The following RFESD variants were observed in gnomAD, a reference collection of about 807,000 sequenced individuals.
RFESD encodes the protein Rieske domain-containing protein.
Under a neutral mutation model 24.4 loss-of-function variants are expected in RFESD, and 16 were observed. That is an observed-to-expected ratio of 0.66 (90% CI 0.44 to 1.00). RFESD has a LOEUF of 1.00. Ranked by LOEUF, RFESD falls within the 50% of genes least tolerant of loss-of-function variation. The pLI is 0.00. For synonymous variants in RFESD, 59 were observed against 81.8 expected, an observed-to-expected ratio of 0.72 and a Z score of 1.50; for missense variants, 208 against 247.0, an observed-to-expected ratio of 0.84 and a Z score of 1.06.
intron 1 of RFESD, among the ~76,000 whole-genome samples, chr5:95,650,061 G>T (rs1471694359): frequency 6.6e-6 from 1 of 152,140 alleles, no homozygotes; most frequent in African/African-American, 2.4e-5. Flanking sequence ...AATAAAACCA[G>T]ATGACCATTC....
chr5:95,656,199 G>A lies in RFESD; in HGVS notation c.523G>A (p.Val175Met). ...AGGAATAAAGCAAAGGATTCACACA[G>A]TGACAGTAGACAACGGAAATATTTA... Reference protein sequence around the residue: ...SKGIKQRIHTVTVDNGNIYVT... With the variant: ...SKGIKQRIHTMTVDNGNIYVT... The change falls in exon 6 of 6, where the codon GTG becomes ATG. Residue 175 changes from valine (V) to methionine (M), a missense_variant. Val to Met is a conservative substitution (Grantham distance 21, BLOSUM62 1). Transcript: ENST00000380005. The A allele has an allele frequency of 6.2e-7, 1 of 1,614,032 alleles. No individual in the cohort carries two copies. The highest frequency in any genetic ancestry group is 1.1e-5 in the South Asian group (1 of 91,082).
intron 1 of RFESD, among the ~76,000 whole-genome samples, chr5:95,650,821 G>C (rs1025785776): frequency 6.6e-6 from 1 of 152,270 alleles, no homozygotes; most frequent in Admixed American, 6.5e-5. Context: ...GGATAGGGCC[G>C]GGCATGGTGG....
intron 1 of RFESD, chr5:95,647,174 G>T (rs1465117948): frequency 1.3e-5 from 2 of 152,224 alleles, no homozygotes; most frequent in Non-Finnish European, 2.9e-5. Flanking sequence ...GGAGATACTC[G>T]CCTCCTGGAG....
intron 3 of RFESD, 84 bp from the exon 4 acceptor site, chr5:95,653,977 T>A (rs185824237): frequency 1.8e-6 from 2 of 1,094,722 alleles, no homozygotes; most frequent in Admixed American, 2.5e-5. Context: ...AAGTCCGAAC[T>A]ATTCATTCTT....
chr5:95,657,642 ACT>A lies in RFESD; in HGVS notation c.*1336_*1337del, dbSNP rs1365630197. On this transcript the variant is annotated 3_prime_UTR_variant, in exon 6 of 6. Coordinates refer to ENST00000380005, the MANE Select transcript of RFESD (RefSeq NM_001131066.2). ...AATGAGTAAGGTCCGTATAGTAAAG[ACT>A]CTGCTTACTTACCTTTACTACATAT... 6.6e-6 allele frequency: 1 copy of A among 151,908 alleles called. No homozygotes were observed. Among genetic ancestry groups the A allele is most frequent in the African/African-American group, 2.4e-5 (1 of 41,356 alleles). The allele number at this position is 151,908 out of a possible 1,614,324, so 9.4% of individuals were successfully genotyped here.
At chr5:95,649,919 CCTTT>C (rs1303258394) in intron 1 of RFESD, among the ~76,000 whole-genome samples, 1 of 152,046 alleles carries the variant, frequency 6.6e-6, no homozygotes, top group Non-Finnish European at 1.5e-5. Flanking sequence ...TCAGTTCATT[CCTTT>C]GTCTGTTCCC....
At chr5:95,651,699 T>C (rs1432378191) in intron 1 of RFESD, among the ~76,000 whole-genome samples, 1 of 152,226 alleles carries the variant, frequency 6.6e-6, no homozygotes, top group Non-Finnish European at 1.5e-5. Flanking sequence ...CCTGAGTCAT[T>C]ATTTTGATTC....
In RFESD at chr5:95,656,100, T is replaced by C. The variant is rs780528172; in HGVS notation, c.424T>C (p.Leu142=). The C allele has an allele frequency of 8.7e-6, 14 of 1,613,622 alleles. No individual in the cohort carries two copies. Among genetic ancestry groups the C allele is most frequent in the Non-Finnish European group, 1.2e-5 (14 of 1,179,716 alleles). Residue 142 remains leucine (L), a synonymous_variant, in exon 6 of 6, where the codon TTG becomes CTG. Coordinates refer to ENST00000380005, the MANE Select transcript of RFESD (RefSeq NM_001131066.2). ...VCPWHKYKIT[L]ATGEGLYQSI... ...CCCCTGGCATAAATACAAAATTACT[T>C]TGGCAACAGGAGAAGGTCTGTACCA... is the stretch of plus-strand genomic sequence containing the variant.
chr5:95,653,954 C>A, intron 3 of RFESD, 107 bp from the exon 4 acceptor site: 1 of 754,634 alleles, frequency 1.3e-6, no homozygotes, highest in Non-Finnish European at 2.1e-6. Flanking sequence ...AAAGTGCCTC[C>A]ATTAATCTTG....
At chr5:95,654,994 T>C (rs944136803) in intron 5 of RFESD, among the ~76,000 whole-genome samples, 1 of 152,180 alleles carries the variant, frequency 6.6e-6, no homozygotes, top group Non-Finnish European at 1.5e-5. Flanking sequence ...AAGTTGTCTT[T>C]GCTTCCTTGG....
Position 95,652,527 on chromosome 5 carries a change from C to A in RFESD, c.60+196C>A, listed in dbSNP as rs150797640. ...GCAAAAATACCATTCATTTCTTGGCCTTTCTCCTCACAGTCTTTGGCACTA... is the reference window on the plus strand; with the variant it reads ...GCAAAAATACCATTCATTTCTTGGCATTTCTCCTCACAGTCTTTGGCACTA... On this transcript the variant is annotated intron_variant, in intron 2 of 5. Coordinates refer to ENST00000380005, the MANE Select transcript of RFESD (RefSeq NM_001131066.2). 74 of 656,396 alleles carry A rather than the reference C, an allele frequency of 1.1e-4. No individual in the cohort carries two copies. The African/African-American group carries it at 1.2e-3, about 11-fold the overall frequency. 40.7% of individuals were successfully genotyped at this position (656,396 alleles called of 1,614,324 possible).
chr5:95,648,759 CTG>C (rs1369595723), intron 1 of RFESD, among the ~76,000 whole-genome samples: 1 of 152,130 alleles, frequency 6.6e-6, no homozygotes, highest in African/African-American at 2.4e-5. Flanking sequence ...CTTGCAAAAA[CTG>C]TAAGTTTGTA....
At chr5:95,655,518 G>A (rs1161914148) in intron 5 of RFESD, 4 of 152,824 alleles carry the variant, frequency 2.6e-5, no homozygotes, top group African/African-American at 9.7e-5. Flanking sequence ...AGAGAGACAT[G>A]CATTGAAACA....
chr5:95,647,709 T>C (rs1233698192), intron 1 of RFESD: 1 of 152,116 alleles, frequency 6.6e-6, no homozygotes, highest in Non-Finnish European at 1.5e-5. Context: ...ATATCACCAA[T>C]ATACATATTT....
intron 1 of RFESD, among the ~76,000 whole-genome samples, chr5:95,650,977 A>G (rs1461063561): frequency 6.6e-6 from 1 of 151,944 alleles, no homozygotes; most frequent in African/African-American, 2.4e-5. Context: ...GGGCGCCTGT[A>G]GTCCCAGCTA....
rs1174345981 is a variant in RFESD, at chr5:95,652,084, C to T, written c.-135-53C>T. The T allele has an allele frequency of 2.7e-5, 16 of 595,142 alleles. 1 individual carries two copies. The highest frequency in any genetic ancestry group is 5.8e-5 in the East Asian group (2 of 34,562). The allele number at this position is 595,142 out of a possible 1,614,324, so 36.9% of individuals were successfully genotyped here. On this transcript the variant is annotated intron_variant, in intron 1 of 5. Coordinates refer to ENST00000380005, the MANE Select transcript of RFESD (RefSeq NM_001131066.2). Reference sequence around the variant, plus strand: ...TATTATTTATTGTTTAGTACACAGACGTGACCAGCATTGGAATTTATGTGG... The same window carrying T: ...TATTATTTATTGTTTAGTACACAGATGTGACCAGCATTGGAATTTATGTGG...
rs1283714595 is a variant in RFESD, at chr5:95,657,112, A to C, written c.*803A>C. On this transcript the variant is annotated 3_prime_UTR_variant, in exon 6 of 6. Coordinates refer to ENST00000380005, the MANE Select transcript of RFESD (RefSeq NM_001131066.2). ...CCAATGTTCTTTGAATGCCTATATG[A>C]AATTTTCAAATAAAGATTTTTAAAA... 1 of 152,146 alleles carries C rather than the reference A, an allele frequency of 6.6e-6. No individual in the cohort carries two copies. Among genetic ancestry groups the C allele is most frequent in the Non-Finnish European group, 1.5e-5 (1 of 68,000 alleles). 9.4% of individuals were successfully genotyped at this position (152,146 alleles called of 1,614,324 possible). A position where few individuals can be genotyped will look rare whatever the true frequency, so the allele number is the denominator to read the frequency against.
chr5:95,651,681 G>C (rs1305590166), intron 1 of RFESD, among the ~76,000 whole-genome samples: 4 of 152,328 alleles, frequency 2.6e-5, no homozygotes, highest in African/African-American at 9.6e-5. Context: ...ACAGGTGTGA[G>C]CCACTGGCCT....
chr5:95,647,896 A>G (rs1013294361), intron 1 of RFESD: 2 of 152,144 alleles, frequency 1.3e-5, no homozygotes, highest in African/African-American at 4.8e-5. Flanking sequence ...AAGGACAGCT[A>G]GTTTTATCTG....
Sources: allele counts gnomAD v4.1 joint callset (sites outside exome capture counted in the v4.1 genomes callset), GRCh38; gene constraint gnomAD v4.1.1; transcripts MANE v1.5; gene names NCBI Gene and HGNC (gene_info 2026-07-23, HGNC 2026-07-21).